ARHGAP6: variants seen among roughly 807,000 people sequenced by gnomAD.
ARHGAP6 encodes Rho GTPase activating protein 6.
In ARHGAP6, 16 loss-of-function variants were observed where a neutral mutation model predicts 55.7. The observed-to-expected ratio is 0.29, with a 90% CI of 0.19 to 0.44. The LOEUF (loss-of-function observed/expected upper bound fraction) is 0.44. Ranked by LOEUF, ARHGAP6 falls within the 20% of genes least tolerant of loss-of-function variation. The pLI, the probability that ARHGAP6 is intolerant of heterozygous loss-of-function variation, is 1.00. For missense variants in ARHGAP6, 698 were observed against 808.9 expected (o/e 0.86, Z 1.66); for synonymous variants, 382 against 360.9 (o/e 1.06, Z -0.66).
chrX:11,200,054 T>C (rs1207421591), intron 2 of ARHGAP6, among the ~76,000 whole-genome samples: 1 of 112,536 alleles, frequency 8.9e-6, no homozygotes, highest in Non-Finnish European at 1.9e-5. Flanking sequence ...CTTGCAACCA[T>C]ACAGAACAGT....
At chrX:11,430,886 C>T (rs1440078173) in intron 1 of ARHGAP6, among the ~76,000 whole-genome samples, 2 of 111,961 alleles carry the variant, frequency 1.8e-5, no homozygotes, top group Non-Finnish European at 3.8e-5. Flanking sequence ...CACCATCATC[C>T]ACCCCACTGC....
intron 1 of ARHGAP6, among the ~76,000 whole-genome samples, chrX:11,407,460 T>C (rs1250708579): frequency 1.8e-5 from 2 of 112,561 alleles, no homozygotes; most frequent in South Asian, 3.7e-4. Context: ...TGTGCATTCA[T>C]GTATAAGTTT....
At chrX:11,446,772 T>C (rs1421421480) in intron 1 of ARHGAP6, among the ~76,000 whole-genome samples, 1 of 112,264 alleles carries the variant, frequency 8.9e-6, no homozygotes, top group Non-Finnish European at 1.9e-5. Context: ...TGAAACCACA[T>C]AACTTCGATT....
At chrX:11,460,991 G>A (rs1354707383) in intron 1 of ARHGAP6, among the ~76,000 whole-genome samples, 3 of 111,843 alleles carry the variant, frequency 2.7e-5, no homozygotes, top group East Asian at 2.8e-4. Flanking sequence ...GTGGGTTTTC[G>A]GGGGCTCTAC....
intron 1 of ARHGAP6, among the ~76,000 whole-genome samples, chrX:11,302,964 G>A (rs755869333): frequency 8.9e-6 from 1 of 112,192 alleles, no homozygotes; most frequent in Admixed American, 9.4e-5. Flanking sequence ...AACAATAGCT[G>A]AAAATACCAA....
intron 1 of ARHGAP6, among the ~76,000 whole-genome samples, chrX:11,354,327 C>CTCTATATATATA (rs1343744315): frequency 1.3e-3 from 41 of 32,342 alleles, no homozygotes; most frequent in Non-Finnish European, 1.6e-3. Flanking sequence ...CTCTCTCTCT[C>CTCTATATATATA]TATATATATA....
intron 1 of ARHGAP6, among the ~76,000 whole-genome samples, chrX:11,365,905 C>G (rs953009392): frequency 2.8e-4 from 32 of 112,313 alleles, no homozygotes; most frequent in African/African-American, 1.0e-3. Context: ...GGAGGCTGGA[C>G]ATCTGAGATC....
chrX:11,365,918 G>A (rs1479296768), intron 1 of ARHGAP6, among the ~76,000 whole-genome samples: 1 of 112,225 alleles, frequency 8.9e-6, no homozygotes, highest in African/African-American at 3.2e-5. Context: ...CTGAGATCAT[G>A]GTGCCAGCAG....
chrX:11,252,065 G>A (rs1465523962), intron 2 of ARHGAP6, among the ~76,000 whole-genome samples: 2 of 111,920 alleles, frequency 1.8e-5, no homozygotes, highest in Admixed American at 9.5e-5. Context: ...CTGGATGTGC[G>A]GATAACCACA....
chrX:11,348,672 C>T (rs181496205), intron 1 of ARHGAP6, among the ~76,000 whole-genome samples: 4 of 111,603 alleles, frequency 3.6e-5, no homozygotes, highest in Non-Finnish European at 3.8e-5. Context: ...TGTTTTGAGA[C>T]GGGGACTCCC....
At chrX:11,502,153 G>T (rs777943906) in intron 1 of ARHGAP6, among the ~76,000 whole-genome samples, 1 of 112,477 alleles carries the variant, frequency 8.9e-6, no homozygotes, top group African/African-American at 3.2e-5. Context: ...TCATACAATG[G>T]AATACTACAT....
At chrX:11,369,010 T>G (rs1486481121) in intron 1 of ARHGAP6, among the ~76,000 whole-genome samples, 1 of 111,520 alleles carries the variant, frequency 9.0e-6, no homozygotes, top group Non-Finnish European at 1.9e-5. Flanking sequence ...GCCAGGGTAA[T>G]TATTCCTAGT....
rs1398474007 is a variant in ARHGAP6, at chrX:11,177,958, T to C, written c.1629+142A>G. The C allele has an allele frequency of 9.5e-6, 7 of 737,298 alleles. No homozygotes were observed. In the East Asian group the frequency reaches 2.3e-4, roughly 24 times the overall value. The allele number at this position is 737,298 out of a possible 1,213,427, so 60.8% of individuals were successfully genotyped here. A position where few individuals can be genotyped will look rare whatever the true frequency, so the allele number is the denominator to read the frequency against. ...CTGTGCCTCCAGAGAAGGCCCTGCA[T>C]TAGTCTCTTCCTACAGAGACAGCTA... On this transcript the variant is annotated intron_variant, in intron 8 of 12. Coordinates refer to ENST00000337414, the MANE Select transcript of ARHGAP6 (RefSeq NM_013427.3).
intron 2 of ARHGAP6, among the ~76,000 whole-genome samples, chrX:11,223,907 G>A (rs2047007955): frequency 9.0e-6 from 1 of 111,549 alleles, no homozygotes; most frequent in Admixed American, 9.6e-5. Flanking sequence ...CATAAAGAAT[G>A]TAAGATAGCT....
chrX:11,215,399 C>T (rs1569259142), intron 2 of ARHGAP6, among the ~76,000 whole-genome samples: 1 of 112,582 alleles, frequency 8.9e-6, no homozygotes, highest in African/African-American at 3.2e-5. Flanking sequence ...CAGGTGTGCG[C>T]GGCAGCTGCG....
intron 1 of ARHGAP6, among the ~76,000 whole-genome samples, chrX:11,519,494 T>A (rs1454739011): frequency 4.5e-5 from 5 of 110,439 alleles, no homozygotes; most frequent in Non-Finnish European, 7.5e-5. Context: ...TTTTTTCTTG[T>A]AAATTTGATT....
At chrX:11,463,116 A>G (rs186682672) in intron 1 of ARHGAP6, among the ~76,000 whole-genome samples, 77 of 111,911 alleles carry the variant, frequency 6.9e-4, no homozygotes, top group Non-Finnish European at 1.3e-3. Flanking sequence ...GGATCCAAAG[A>G]TCACCTGAGC....
At chrX:11,183,373 G>A (rs758572953) in intron 5 of ARHGAP6, among the ~76,000 whole-genome samples, 10 of 111,698 alleles carry the variant, frequency 9.0e-5, no homozygotes, top group African/African-American at 2.9e-4. Flanking sequence ...CTGTGCACAC[G>A]TTTTTGTTCA....
At chrX:11,148,102 G>A (rs1357880878) in intron 10 of ARHGAP6, among the ~76,000 whole-genome samples, 2 of 111,897 alleles carry the variant, frequency 1.8e-5, no homozygotes, top group Admixed American at 1.9e-4. Flanking sequence ...AGGACACTCA[G>A]TGTCAAATCT....
Sources: gnomAD v4.1 joint callset for allele counts (sites outside exome capture counted in the v4.1 genomes callset) on GRCh38, gnomAD v4.1.1 for gene constraint, MANE v1.5 for transcripts, NCBI Gene and HGNC (gene_info 2026-07-23, HGNC 2026-07-21) for gene names.